Variants in FAM204A observed in about 807,000 individuals in gnomAD.
FAM204A encodes the protein family with sequence similarity 204 member A, also known as protein FAM204A.
A neutral mutation model predicts 35.4 loss-of-function variants in FAM204A; 16 were observed. The observed-to-expected ratio is 0.45, with a 90% CI of 0.31 to 0.69. FAM204A has a LOEUF of 0.69. Ranked by LOEUF, FAM204A falls within the 30% of genes least tolerant of loss-of-function variation. The probability of loss-of-function intolerance (pLI) is 0.07; values close to 1 mark genes in which losing one functional copy is unlikely to be tolerated. For missense variants in FAM204A, 240 were observed against 265.7 expected, an observed-to-expected ratio of 0.90 and a Z score of 0.67; for synonymous variants, 76 against 86.9, an observed-to-expected ratio of 0.88 and a Z score of 0.70.
At chr10:118,319,525 C>A (rs1046940673) in intron 7 of FAM204A, among the ~76,000 whole-genome samples, 1 of 151,888 alleles carries the variant, frequency 6.6e-6, no homozygotes, top group African/African-American at 2.4e-5. Context: ...AAAGAGGGTA[C>A]CATTAAAATG....
chr10:118,328,595 C>T (rs1473528152), intron 6 of FAM204A, among the ~76,000 whole-genome samples: 19 of 151,376 alleles, frequency 1.3e-4, no homozygotes, highest in African/African-American at 4.6e-4. Flanking sequence ...TGGGTTCAAG[C>T]GATTCCCCTG....
chr10:118,339,087 A>T (rs1846432105), intron 2 of FAM204A, among the ~76,000 whole-genome samples: 1 of 152,200 alleles, frequency 6.6e-6, no homozygotes, highest in Non-Finnish European at 1.5e-5. Flanking sequence ...GGCAAAATTC[A>T]AATCAGGTAG....
rs1424831053 is a variant in FAM204A at position 118,304,201 on chromosome 10, T to G, written c.*6656A>C. On this transcript the variant is annotated 3_prime_UTR_variant, in exon 9 of 9. Transcript: ENST00000369183. Reference sequence around the variant, plus strand: ...TTTCAAGACCTCTTTCATCGACCTATTTCTGCAACCTCCCTCCCTTCTGAC... The same window carrying G: ...TTTCAAGACCTCTTTCATCGACCTAGTTCTGCAACCTCCCTCCCTTCTGAC... The G allele has an allele frequency of 1.3e-5, 2 of 152,196 alleles. No individual in the cohort carries two copies. The highest frequency in any genetic ancestry group is 2.9e-5 in the Non-Finnish European group (2 of 68,062). The allele number at this position is 152,196 out of a possible 1,614,324, so 9.4% of individuals were successfully genotyped here. A position where few individuals can be genotyped will look rare whatever the true frequency, so the allele number is the denominator to read the frequency against.
At position 118,310,992 on chromosome 10, in the gene FAM204A, AAAAC is replaced by A. The variant is rs1483187493; in HGVS notation, c.651-88_651-85del. On this transcript the variant is annotated intron_variant, in intron 8 of 8. Coordinates refer to ENST00000369183, the MANE Select transcript of FAM204A (RefSeq NM_022063.3). ...AACATGTTTACTTAGAGACCAAAGCAAAACAAACAAAAATTTTTCACATACTCCA... is the reference window on the plus strand; with the variant it reads ...AACATGTTTACTTAGAGACCAAAGCAAAACAAAAATTTTTCACATACTCCA... 1.8e-5 allele frequency: 24 copies of A among 1,337,954 alleles called. No individual in the cohort carries two copies. The Admixed American group carries it at 4.9e-4, about 27-fold the overall frequency. 82.9% of individuals were successfully genotyped at this position (1,337,954 alleles called of 1,614,324 possible).
At chr10:118,330,603 T>C (rs191754479) in intron 6 of FAM204A, among the ~76,000 whole-genome samples, 3 of 152,336 alleles carry the variant, frequency 2.0e-5, no homozygotes, top group Admixed American at 1.3e-4. Context: ...TTCAGCTTTG[T>C]TTTTAGCCCT....
intron 7 of FAM204A, among the ~76,000 whole-genome samples, chr10:118,323,151 T>C (rs1846145064): frequency 6.6e-6 from 1 of 152,128 alleles, no homozygotes; most frequent in African/African-American, 2.4e-5. Flanking sequence ...AAAGGAAGAC[T>C]GGACAAGCAA....
rs59564428 is a variant in FAM204A at position 118,332,173 on chromosome 10, G to GAA, written c.453+2939_453+2940dup. The stretch of plus-strand genomic sequence containing the variant: ...GGCAACAGAGCAAGACTCTGTTTCA[G>GAA]AAAAAAAAAAAAAAAATCATATGAG... On this transcript the variant is annotated intron_variant, in intron 6 of 8. Coordinates refer to ENST00000369183, the MANE Select transcript of FAM204A (RefSeq NM_022063.3). 3.0e-4 allele frequency among the ~76,000 whole-genome samples: 16 copies of GAA among 54,160 alleles called. 1 individual carries two copies. In the East Asian group the frequency reaches 6.3e-3, roughly 21 times the overall value. 35.5% of individuals were successfully genotyped at this position (54,160 alleles called of 152,430 possible). A position where few individuals can be genotyped will look rare whatever the true frequency, so the allele number is the denominator to read the frequency against.
rs960928346 is a variant in FAM204A at position 118,302,775 on chromosome 10, C to T, written c.*8082G>A. The T allele has an allele frequency of 1.3e-5, 2 of 152,166 alleles. No individual in the cohort carries two copies. Among genetic ancestry groups the T allele is most frequent in the Non-Finnish European group, 2.9e-5 (2 of 68,032 alleles). The allele number at this position is 152,166 out of a possible 1,614,324, so 9.4% of individuals were successfully genotyped here. ...AATGGCATTAAACTCAGTATTTATA[C>T]CACAAGGCACCTCCTTCCCTATGGT... On this transcript the variant is annotated 3_prime_UTR_variant, in exon 9 of 9. Coordinates refer to ENST00000369183, the MANE Select transcript of FAM204A (RefSeq NM_022063.3).
At chr10:118,311,784 G>A (rs1463367499) in intron 7 of FAM204A, among the ~76,000 whole-genome samples, 1 of 152,134 alleles carries the variant, frequency 6.6e-6, no homozygotes, top group Non-Finnish European at 1.5e-5. Context: ...TAAAACATGG[G>A]AAAGCTAATT....
chr10:118,324,614 CCCCTTATATGAGATA>C (rs1846169303), intron 7 of FAM204A, among the ~76,000 whole-genome samples: 1 of 152,010 alleles, frequency 6.6e-6, no homozygotes. Flanking sequence ...TTAAATAATT[CCCCTTATATGAGATA>C]CCCATAGCAG....
chr10:118,310,611 A>C lies in FAM204A; in HGVS notation c.*246T>G, dbSNP rs1845937921. 1 of 464,368 alleles carries C rather than the reference A, an allele frequency of 2.2e-6. No individual in the cohort carries two copies. The highest frequency in any genetic ancestry group is 2.1e-5 in the African/African-American group (1 of 48,570). 28.8% of individuals were successfully genotyped at this position (464,368 alleles called of 1,614,324 possible). ...CATCCATACAAATAAACAAAATCCT[A>C]TCCTCTTCTTTCTATATTTTTTTTC... On this transcript the variant is annotated 3_prime_UTR_variant, in exon 9 of 9. Transcript: ENST00000369183.
intron 7 of FAM204A, among the ~76,000 whole-genome samples, chr10:118,324,118 A>T (rs1194763987): frequency 6.6e-6 from 1 of 152,148 alleles, no homozygotes; most frequent in African/African-American, 2.4e-5. Flanking sequence ...CTATTCCAAA[A>T]TAGATTAATA....
At position 118,307,697 on chromosome 10, in the gene FAM204A, T is replaced by C. The variant is rs1845886134; in HGVS notation, c.*3160A>G. 1 of 152,252 alleles carries C rather than the reference T, an allele frequency of 6.6e-6. No individual in the cohort carries two copies. Among genetic ancestry groups the C allele is most frequent in the Non-Finnish European group, 1.5e-5 (1 of 68,040 alleles). The allele number at this position is 152,252 out of a possible 1,614,324, so 9.4% of individuals were successfully genotyped here. On this transcript the variant is annotated 3_prime_UTR_variant, in exon 9 of 9. Coordinates refer to ENST00000369183, the MANE Select transcript of FAM204A (RefSeq NM_022063.3). ...ATTTTATAAATTATATCTTCATTTTTTGTGAATTAAATTCAAACTTGTCTT... is the reference window on the plus strand; with the variant it reads ...ATTTTATAAATTATATCTTCATTTTCTGTGAATTAAATTCAAACTTGTCTT...
At chr10:118,324,236 G>A (rs889352928) in intron 7 of FAM204A, among the ~76,000 whole-genome samples, 7 of 152,086 alleles carry the variant, frequency 4.6e-5, no homozygotes, top group African/African-American at 1.7e-4. Flanking sequence ...CTTATAAGAT[G>A]GGAAGGGGAG....
In FAM204A at chr10:118,335,645, T is replaced by C; in HGVS notation, c.235-4A>G. 13 of 1,589,672 alleles carry C rather than the reference T, an allele frequency of 8.2e-6. No individual in the cohort carries two copies. The highest frequency in any genetic ancestry group is 1.4e-5 in the African/African-American group (1 of 73,548). ...TTTTATGCAATTCTTGAAATTTCTATGTAAAAGAAAAAAAAATTGAGAAGC... is the reference window on the plus strand; with the variant it reads ...TTTTATGCAATTCTTGAAATTTCTACGTAAAAGAAAAAAAAATTGAGAAGC... On this transcript the variant is annotated splice_region_variant and splice_polypyrimidine_tract_variant and intron_variant, in intron 3 of 8. Transcript: ENST00000369183.
Position 118,303,182 on chromosome 10 carries a change from C to T in FAM204A, c.*7675G>A, listed in dbSNP as rs1367891465. 1.3e-5 allele frequency: 2 copies of T among 152,188 alleles called. No homozygotes were observed. The highest frequency in any genetic ancestry group is 4.8e-5 in the African/African-American group (2 of 41,446). 9.4% of individuals were successfully genotyped at this position (152,188 alleles called of 1,614,324 possible). ...AAAAACAAGTATAATGTGTCTTTGG[C>T]TTTCTTAGAGGAATAGTGCAAGAGC... On this transcript the variant is annotated 3_prime_UTR_variant, in exon 9 of 9. Coordinates refer to ENST00000369183, the MANE Select transcript of FAM204A (RefSeq NM_022063.3).
At chr10:118,327,284 C>T (rs145932130) in intron 6 of FAM204A, among the ~76,000 whole-genome samples, 1 of 152,116 alleles carries the variant, frequency 6.6e-6, no homozygotes, top group African/African-American at 2.4e-5. Context: ...TCCTGTGTAG[C>T]CTTTGTTGAG....
Position 118,329,744 on chromosome 10 carries a change from C to T in FAM204A, c.454-3501G>A, listed in dbSNP as rs1447114691. On this transcript the variant is annotated intron_variant, in intron 6 of 8. Coordinates refer to ENST00000369183, the MANE Select transcript of FAM204A (RefSeq NM_022063.3). ...CACCGGCTTGGTGTGTCCCAGAATC[C>T]AGCCCAGTTCCTTCTACATAGAAGA... is the stretch of plus-strand genomic sequence containing the variant. Among the ~76,000 whole-genome samples the T allele has an allele frequency of 2.0e-5, 3 of 152,288 alleles. No individual in the cohort carries two copies. The East Asian group carries it at 5.8e-4, about 29-fold the overall frequency.
chr10:118,327,946 G>T (rs1295407227), intron 6 of FAM204A, among the ~76,000 whole-genome samples: 5 of 152,176 alleles, frequency 3.3e-5, no homozygotes, highest in Non-Finnish European at 7.4e-5. Flanking sequence ...CTGGGTGACA[G>T]AGCAAGACCC....
Sources: allele counts gnomAD v4.1 joint callset (sites outside exome capture counted in the v4.1 genomes callset), GRCh38; gene constraint gnomAD v4.1.1; transcripts MANE v1.5; gene names NCBI Gene and HGNC (gene_info 2026-07-23, HGNC 2026-07-21).